Variants in CDH23 observed in about 807,000 individuals in gnomAD.
CDH23 encodes the protein cadherin related 23.
A neutral mutation model predicts 317.1 loss-of-function variants in CDH23; 189 were observed. The observed-to-expected ratio is 0.60, with a 90% CI of 0.53 to 0.67. CDH23 has a LOEUF of 0.67. Among genes scored for constraint, CDH23 ranks in the 30% least tolerant of loss-of-function variants. CDH23 has a pLI of 0.00. For missense variants in CDH23, 4,401 were observed against 4,592.4 expected (o/e 0.96, Z 1.20); for synonymous variants, 1,839 against 1,876.8 (o/e 0.98, Z 0.52).
intron 3 of CDH23, among the ~76,000 whole-genome samples, chr10:71,499,182 G>A (rs1436058353): frequency 2.6e-5 from 4 of 152,282 alleles, no homozygotes; most frequent in East Asian, 1.9e-4. Context: ...TCTCAGTCAC[G>A]TGTGGGAGCT....
intron 1 of CDH23, among the ~76,000 whole-genome samples, chr10:71,398,520 G>T (rs1287073394): frequency 6.6e-6 from 1 of 151,496 alleles, no homozygotes; most frequent in Admixed American, 6.6e-5. Flanking sequence ...TAGGTTGTGG[G>T]GTGTGGGGTG....
At chr10:71,768,771 T>C (rs972011181) in intron 38 of CDH23, among the ~76,000 whole-genome samples, 1 of 152,250 alleles carries the variant, frequency 6.6e-6, no homozygotes, top group Non-Finnish European at 1.5e-5. Context: ...TGAGCCACTG[T>C]GCTCGGCCTC....
intron 6 of CDH23, among the ~76,000 whole-genome samples, chr10:71,523,530 T>C (rs896346174): frequency 1.3e-5 from 2 of 152,144 alleles, no homozygotes; most frequent in South Asian, 2.1e-4. Flanking sequence ...GCCTAAAGTG[T>C]GCTGGCGATT....
chr10:71,614,670 G>T (rs750957916), intron 9 of CDH23, among the ~76,000 whole-genome samples: 1 of 152,232 alleles, frequency 6.6e-6, no homozygotes, highest in Non-Finnish European at 1.5e-5. Flanking sequence ...GAGAAGTCAG[G>T]ACTGCCTTTC....
intron 1 of CDH23, among the ~76,000 whole-genome samples, chr10:71,438,956 G>A (rs1019616979): frequency 6.6e-6 from 1 of 152,184 alleles, no homozygotes; most frequent in African/African-American, 2.4e-5. Context: ...GGTCCCCCTG[G>A]TGTCACTGCT....
chr10:71,785,094 T>C lies in CDH23; in HGVS notation c.5706T>C (p.Asn1902=), dbSNP rs755451021. ...AGNRERAFFI[N]ATTGIVTVNR... ...ACCGCGAGCGGGCCTTCTTCATCAATGCCACGGTAGGGCCTAGACTGACCC... is the reference window on the plus strand; with the variant it reads ...ACCGCGAGCGGGCCTTCTTCATCAACGCCACGGTAGGGCCTAGACTGACCC... The change falls in exon 43 of 70, where the codon AAT becomes AAC. Residue 1902 remains asparagine, a synonymous_variant. Coordinates refer to ENST00000224721, the MANE Select transcript of CDH23 (RefSeq NM_022124.6). The C allele has an allele frequency of 8.1e-6, 13 of 1,613,638 alleles. No individual in the cohort carries two copies. The Admixed American group carries it at 2.0e-4, about 25-fold the overall frequency.
At position 71,491,269 on chromosome 10, in the gene CDH23, T is replaced by C. The variant is rs577592687; in HGVS notation, c.146-18813T>C. Among the ~76,000 whole-genome samples, 11 of 152,306 alleles carry C rather than the reference T, an allele frequency of 7.2e-5. No homozygotes were observed. The South Asian group carries it at 2.1e-3, about 29-fold the overall frequency. On this transcript the variant is annotated intron_variant, in intron 3 of 69. Coordinates refer to ENST00000224721, the MANE Select transcript of CDH23 (RefSeq NM_022124.6). Reference sequence around the variant, plus strand: ...ACTTTGCAGTGTGGCTGCATCTTGCTTGAACCCCCTTAGACTTCTCCCCCA... The same window carrying C: ...ACTTTGCAGTGTGGCTGCATCTTGCCTGAACCCCCTTAGACTTCTCCCCCA...
At chr10:71,786,885 A>C (rs933733128) in intron 44 of CDH23, among the ~76,000 whole-genome samples, 1 of 151,870 alleles carries the variant, frequency 6.6e-6, no homozygotes, top group Admixed American at 6.6e-5. Flanking sequence ...GCCCCGGGTA[A>C]AAGCAGCATT....
chr10:71,623,632 C>G (rs1342545063), intron 11 of CDH23, among the ~76,000 whole-genome samples: 4 of 152,226 alleles, frequency 2.6e-5, no homozygotes, highest in Non-Finnish European at 5.9e-5. Context: ...AGACACTCCC[C>G]ACTCCCGTGA....
intron 14 of CDH23, among the ~76,000 whole-genome samples, chr10:71,648,694 C>T (rs564027032): frequency 2.0e-5 from 3 of 152,300 alleles, no homozygotes; most frequent in African/African-American, 4.8e-5. Flanking sequence ...GAATGTGAGC[C>T]GAGCCCCTCA....
intron 6 of CDH23, among the ~76,000 whole-genome samples, chr10:71,547,023 TC>T (rs1301498812): frequency 6.6e-6 from 1 of 152,210 alleles, no homozygotes; most frequent in Non-Finnish European, 1.5e-5. Context: ...GTGATGTTTT[TC>T]AGTACCTGTT....
chr10:71,740,390 T>C (rs1251838306), intron 36 of CDH23, among the ~76,000 whole-genome samples: 1 of 152,156 alleles, frequency 6.6e-6, no homozygotes, highest in Non-Finnish European at 1.5e-5. Flanking sequence ...TACTTGAGGC[T>C]CTTTTCCCGT....
At chr10:71,501,208 C>A (rs1775361477) in intron 3 of CDH23, among the ~76,000 whole-genome samples, 1 of 152,176 alleles carries the variant, frequency 6.6e-6, no homozygotes, top group East Asian at 1.9e-4. Context: ...GGGATGCTAA[C>A]CCCTCTGTGT....
At chr10:71,694,007 G>C in intron 20 of CDH23, 140 bp from the exon 21 acceptor site, 1 of 729,018 alleles carries the variant, frequency 1.4e-6, no homozygotes, top group South Asian at 1.6e-5. Context: ...AACACATCCA[G>C]GCCGCCAGAT....
intron 11 of CDH23, among the ~76,000 whole-genome samples, chr10:71,625,496 G>A (rs1399410830): frequency 6.6e-6 from 1 of 150,954 alleles, no homozygotes. Flanking sequence ...GGGTGGAGGT[G>A]AGAAGGGGAG....
chr10:71,802,970 T>C lies in CDH23; in HGVS notation c.7555T>C (p.Tyr2519His). The C allele has an allele frequency of 6.2e-7, 1 of 1,613,976 alleles. No individual in the cohort carries two copies. The highest frequency in any genetic ancestry group is 8.5e-7 in the Non-Finnish European group (1 of 1,179,886). ...FSKPQFSTSV[Y>H]ENEPAGTSVI... ...CAAGCCCCAGTTCAGCACAAGCGTG[T>C]ATGAGAATGAGCCGGCGGGCACCTC... The change falls in exon 54 of 70, where the codon TAT becomes CAT. Residue 2519 changes from tyrosine to histidine, a missense_variant. This residue lies in a region of CDH23 where 189 missense variants were observed against 250.9 expected (regional missense o/e 0.75). Coordinates refer to ENST00000224721, the MANE Select transcript of CDH23 (RefSeq NM_022124.6).
intron 44 of CDH23, among the ~76,000 whole-genome samples, chr10:71,788,735 A>G (rs903705921): frequency 7.9e-5 from 12 of 152,284 alleles, no homozygotes; most frequent in Non-Finnish European, 1.3e-4. Flanking sequence ...GATTACAGGC[A>G]TGAGCCACTG....
chr10:71,403,280 TAC>T (rs1847870581), intron 1 of CDH23, among the ~76,000 whole-genome samples: 1 of 152,056 alleles, frequency 6.6e-6, no homozygotes, highest in Non-Finnish European at 1.5e-5. Context: ...GAGTTGCCGG[TAC>T]CCCTTTCATT....
chr10:71,621,789 C>G (rs934429528), intron 11 of CDH23, among the ~76,000 whole-genome samples: 4 of 152,232 alleles, frequency 2.6e-5, no homozygotes, highest in African/African-American at 9.6e-5. Flanking sequence ...GTCTCAGACT[C>G]TGCTAGACCA....
Sources: allele counts gnomAD v4.1 joint callset (sites outside exome capture counted in the v4.1 genomes callset), GRCh38; gene constraint gnomAD v4.1.1; regional missense constraint gnomAD v4.1.1; transcripts MANE v1.5; gene names NCBI Gene and HGNC (gene_info 2026-07-23, HGNC 2026-07-21).